Variants in CYP2C18 observed in about 807,000 individuals in gnomAD.
The protein encoded by CYP2C18 is cytochrome P450 2C18.
Under a neutral mutation model 41.3 loss-of-function variants are expected in CYP2C18, and 38 were observed. The ratio of observed to expected loss-of-function variants is 0.92; its 90% confidence interval spans 0.71 to 1.21. The LOEUF (loss-of-function observed/expected upper bound fraction) is 1.21, where lower values mean the gene tolerates loss of function less well. Among genes scored for constraint, CYP2C18 ranks in the 50% most tolerant of loss-of-function variants. CYP2C18 has a pLI of 0.00. For missense variants in CYP2C18, 635 were observed against 591.4 expected (o/e 1.07, Z -0.77); for synonymous variants, 236 against 210.0 (o/e 1.12, Z -1.07).
intron 7 of CYP2C18, among the ~76,000 whole-genome samples, chr10:94,731,618 A>G (rs970645727): frequency 1.2e-4 from 19 of 152,180 alleles, no homozygotes; most frequent in Admixed American, 1.2e-3. Context: ...ACAAAAACAG[A>G]CACACAGACC....
At chr10:94,696,517 A>T (rs1344040578) in intron 4 of CYP2C18, among the ~76,000 whole-genome samples, 1 of 152,292 alleles carries the variant, frequency 6.6e-6, no homozygotes, top group Non-Finnish European at 1.5e-5. Context: ...AGATAAAACC[A>T]CAAAGATGGG....
chr10:94,696,274 G>A (rs1412957472), intron 4 of CYP2C18, among the ~76,000 whole-genome samples: 1 of 152,148 alleles, frequency 6.6e-6, no homozygotes, highest in African/African-American at 2.4e-5. Flanking sequence ...GTACTCCTCT[G>A]AGACAAAACT....
chr10:94,730,259 ATAT>A (rs932303720), intron 7 of CYP2C18, among the ~76,000 whole-genome samples: 1 of 152,144 alleles, frequency 6.6e-6, no homozygotes, highest in Non-Finnish European at 1.5e-5. Context: ...AATATACAAG[ATAT>A]TATGTAAGCA....
intron 4 of CYP2C18, among the ~76,000 whole-genome samples, chr10:94,701,154 A>G (rs1377909585): frequency 2.0e-5 from 3 of 152,246 alleles, no homozygotes; most frequent in Admixed American, 1.3e-4. Flanking sequence ...ATGCTACTAT[A>G]AAGACACATG....
At chr10:94,720,150 A>G (rs914590375) in intron 5 of CYP2C18, among the ~76,000 whole-genome samples, 2 of 152,180 alleles carry the variant, frequency 1.3e-5, no homozygotes, top group South Asian at 2.1e-4. Context: ...AATATGTTTC[A>G]TGGCCAACAC....
chr10:94,713,030 G>C (rs1383125142), intron 5 of CYP2C18, among the ~76,000 whole-genome samples: 4 of 151,850 alleles, frequency 2.6e-5, no homozygotes, highest in Non-Finnish European at 4.4e-5. Context: ...TTCTTAATTG[G>C]ATTATTTGTT....
intron 7 of CYP2C18, among the ~76,000 whole-genome samples, chr10:94,732,956 T>C (rs1328339399): frequency 6.6e-6 from 1 of 152,024 alleles, no homozygotes; most frequent in African/African-American, 2.4e-5. Context: ...GTAATCCATG[T>C]GTGAGGTGTG....
intron 4 of CYP2C18, among the ~76,000 whole-genome samples, chr10:94,701,578 C>A (rs1311418496): frequency 6.6e-6 from 1 of 152,148 alleles, no homozygotes; most frequent in African/African-American, 2.4e-5. Context: ...TGTAACAAAC[C>A]TGCACGTTGT....
At chr10:94,699,353 A>T (rs1244357689) in intron 4 of CYP2C18, among the ~76,000 whole-genome samples, 2 of 152,260 alleles carry the variant, frequency 1.3e-5, no homozygotes, top group East Asian at 3.8e-4. Context: ...GTAATCCAGC[A>T]TATAAATAGA....
chr10:94,701,865 T>G (rs1211107979), intron 4 of CYP2C18, among the ~76,000 whole-genome samples: 2 of 152,148 alleles, frequency 1.3e-5, no homozygotes, highest in Non-Finnish European at 2.9e-5. Flanking sequence ...CTGAAGCCTA[T>G]AGCTTAGAGA....
intron 7 of CYP2C18, among the ~76,000 whole-genome samples, chr10:94,731,838 G>A (rs1357054819): frequency 6.6e-6 from 1 of 152,090 alleles, no homozygotes; most frequent in Non-Finnish European, 1.5e-5. Flanking sequence ...AGTTTTAAAT[G>A]TAAGACATCA....
chr10:94,692,429 A>G (rs1379960889), intron 3 of CYP2C18, among the ~76,000 whole-genome samples: 8 of 152,062 alleles, frequency 5.3e-5, no homozygotes, highest in Admixed American at 1.3e-4. Flanking sequence ...AATGCTCATC[A>G]TCACTGGCCA....
At chr10:94,708,448 G>T (rs967488409) in intron 5 of CYP2C18, among the ~76,000 whole-genome samples, 1 of 152,112 alleles carries the variant, frequency 6.6e-6, no homozygotes, top group Non-Finnish European at 1.5e-5. Flanking sequence ...TTAATTCCAG[G>T]TTAAGGAGAA....
intron 1 of CYP2C18, among the ~76,000 whole-genome samples, chr10:94,685,985 A>G (rs1846880640): frequency 6.6e-6 from 1 of 152,144 alleles, no homozygotes; most frequent in Admixed American, 6.6e-5. Context: ...TTTGGGTAAT[A>G]TGGACATTTT....
chr10:94,715,562 T>TG (rs1230143085), intron 5 of CYP2C18, among the ~76,000 whole-genome samples: 2 of 152,210 alleles, frequency 1.3e-5, no homozygotes, highest in Non-Finnish European at 2.9e-5. Context: ...AGCTTTTTAA[T>TG]GTGCTGCTGG....
intron 6 of CYP2C18, among the ~76,000 whole-genome samples, chr10:94,723,720 G>A (rs1847686235): frequency 6.6e-6 from 1 of 152,036 alleles, no homozygotes; most frequent in Non-Finnish European, 1.5e-5. Context: ...TTGTTATGGG[G>A]TGATGATGGA....
At chr10:94,713,866 G>A (rs1432599725) in intron 5 of CYP2C18, among the ~76,000 whole-genome samples, 4 of 152,210 alleles carry the variant, frequency 2.6e-5, no homozygotes, top group East Asian at 1.9e-4. Flanking sequence ...TTTAATGATC[G>A]CCATTCTAAC....
chr10:94,711,414 CT>C (rs968375297), intron 5 of CYP2C18, among the ~76,000 whole-genome samples: 9 of 149,564 alleles, frequency 6.0e-5, no homozygotes, highest in Admixed American at 1.3e-4. Flanking sequence ...TGACTAAATT[CT>C]TTTTTTTTTC....
chr10:94,702,295 G>A (rs566551849), intron 4 of CYP2C18, among the ~76,000 whole-genome samples: 194 of 152,174 alleles, frequency 1.3e-3, no homozygotes, highest in African/African-American at 4.5e-3. Context: ...GCTAGGTTGG[G>A]GAAGTTCTCC....
Sources: gnomAD v4.1 joint callset for allele counts (sites outside exome capture counted in the v4.1 genomes callset) on GRCh38, gnomAD v4.1.1 for gene constraint, MANE v1.5 for transcripts, NCBI Gene and HGNC (gene_info 2026-07-23, HGNC 2026-07-21) for gene names.